The following BRINP3 variants were observed in gnomAD, a reference collection of about 807,000 sequenced individuals.
BRINP3 encodes the protein BMP/retinoic acid-inducible neural-specific protein 3.
In BRINP3, 19 loss-of-function variants were observed where a neutral mutation model predicts 71.0. The ratio of observed to expected loss-of-function variants is 0.27; its 90% CI spans 0.19 to 0.39. The LOEUF is 0.39. Among genes scored for constraint, BRINP3 ranks in the 10% least tolerant of loss-of-function variants. BRINP3 has a pLI of 1.00. For missense variants in BRINP3, 959 were observed against 940.8 expected (o/e 1.02, Z -0.25); for synonymous variants, 380 against 337.7 (o/e 1.13, Z -1.37).
chr1:190,280,907 A>G (rs910548309), intron 3 of BRINP3, among the ~76,000 whole-genome samples: 2 of 151,928 alleles, frequency 1.3e-5, no homozygotes, highest in Non-Finnish European at 2.9e-5. Flanking sequence ...TTATCTCCTA[A>G]AAGGTCATTT....
chr1:190,477,258 G>A (rs1677559607), intron 1 of BRINP3, among the ~76,000 whole-genome samples, 190 bp downstream of exon 1: 1 of 152,042 alleles, frequency 6.6e-6, no homozygotes, highest in African/African-American at 2.4e-5. Flanking sequence ...GGATATTGGG[G>A]TAATACATTA....
chr1:190,366,311 GC>G (rs1232673462), intron 2 of BRINP3, among the ~76,000 whole-genome samples: 1 of 152,108 alleles, frequency 6.6e-6, no homozygotes, highest in Non-Finnish European at 1.5e-5. Flanking sequence ...GAAGTGCTGA[GC>G]AAAGGGGGAA....
chr1:190,219,058 G>A (rs911171673), intron 6 of BRINP3, among the ~76,000 whole-genome samples: 1 of 152,054 alleles, frequency 6.6e-6, no homozygotes, highest in East Asian at 1.9e-4. Flanking sequence ...GCAAATAGGG[G>A]ATTCAGGCAC....
intron 2 of BRINP3, among the ~76,000 whole-genome samples, chr1:190,357,343 A>T (rs1234182058): frequency 2.0e-5 from 3 of 151,996 alleles, no homozygotes; most frequent in Non-Finnish European, 4.4e-5. Context: ...TTTAAAAACA[A>T]TTTCCAGAGG....
intron 4 of BRINP3, among the ~76,000 whole-genome samples, chr1:190,256,775 G>T (rs1427250525): frequency 1.3e-5 from 2 of 152,098 alleles, no homozygotes; most frequent in Non-Finnish European, 2.9e-5. Context: ...TGAAATTTTG[G>T]GTTGAAAACT....
intron 2 of BRINP3, among the ~76,000 whole-genome samples, chr1:190,334,967 T>C (rs1401583644): frequency 6.6e-6 from 1 of 151,802 alleles, no homozygotes; most frequent in Admixed American, 6.6e-5. Context: ...ATATTGGGTG[T>C]GGTAAATGAG....
intron 7 of BRINP3, among the ~76,000 whole-genome samples, chr1:190,105,918 TA>T (rs897912193): frequency 1.3e-5 from 2 of 152,000 alleles, no homozygotes; most frequent in South Asian, 4.2e-4. Flanking sequence ...TTTCTGGAAG[TA>T]AAAAAATTAC....
In BRINP3 at chr1:190,117,643, A is replaced by T. The variant is rs566481847; in HGVS notation, c.1185-18509T>A. On this transcript the variant is annotated intron_variant, in intron 7 of 7. Transcript: ENST00000367462. ...GTGTGCAATTCAGTGTATATCCTCA[A>T]ATTTTAAAAATTAAAAGGATATTAA... Among the ~76,000 whole-genome samples the T allele has an allele frequency of 9.2e-5, 14 of 152,184 alleles. 1 individual carries two copies. In the South Asian group the frequency reaches 2.9e-3, roughly 32 times the overall value.
intron 2 of BRINP3, among the ~76,000 whole-genome samples, chr1:190,291,560 A>G (rs1276063308): frequency 6.6e-6 from 1 of 152,174 alleles, no homozygotes; most frequent in Non-Finnish European, 1.5e-5. Flanking sequence ...AAAATATTCA[A>G]CATCACTAAT....
chr1:190,256,467 G>A (rs547190616), intron 4 of BRINP3, among the ~76,000 whole-genome samples: 39 of 152,034 alleles, frequency 2.6e-4, no homozygotes, highest in Admixed American at 8.5e-4. Context: ...TTTTTAATTG[G>A]GGCATTTAGC....
chr1:190,243,251 A>G (rs1254216383), intron 4 of BRINP3, among the ~76,000 whole-genome samples: 4 of 152,118 alleles, frequency 2.6e-5, no homozygotes, highest in Non-Finnish European at 4.4e-5. Flanking sequence ...TGCTTAAACC[A>G]TGGTTGCCAT....
intron 2 of BRINP3, among the ~76,000 whole-genome samples, chr1:190,330,837 G>T (rs2103078968): frequency 6.6e-6 from 1 of 152,100 alleles, no homozygotes; most frequent in African/African-American, 2.4e-5. Flanking sequence ...CAGCAATGTG[G>T]ATGTAGCTGG....
intron 1 of BRINP3, among the ~76,000 whole-genome samples, chr1:190,469,303 T>C (rs1470318326): frequency 6.6e-6 from 1 of 151,042 alleles, no homozygotes; most frequent in Non-Finnish European, 1.5e-5. Context: ...TGTGTCTTTA[T>C]ATATTAGTGA....
At chr1:190,343,564 A>G (rs1295186137) in intron 2 of BRINP3, among the ~76,000 whole-genome samples, 1 of 151,746 alleles carries the variant, frequency 6.6e-6, no homozygotes, top group Non-Finnish European at 1.5e-5. Flanking sequence ...AATGCCTTGT[A>G]TATAGTACAT....
intron 6 of BRINP3, among the ~76,000 whole-genome samples, chr1:190,180,468 C>A (rs1652928571): frequency 6.6e-6 from 1 of 151,964 alleles, no homozygotes; most frequent in Non-Finnish European, 1.5e-5. Flanking sequence ...CAGAAAAGTT[C>A]ATTCCCAATA....
chr1:190,413,762 G>A (rs956523189), intron 2 of BRINP3, among the ~76,000 whole-genome samples: 2 of 151,890 alleles, frequency 1.3e-5, no homozygotes, highest in Non-Finnish European at 2.9e-5. Flanking sequence ...CAAGATTTTC[G>A]TACTATGTTA....
intron 7 of BRINP3, among the ~76,000 whole-genome samples, chr1:190,099,573 T>G (rs1265336242): frequency 1.3e-5 from 2 of 152,202 alleles, no homozygotes; most frequent in Admixed American, 1.3e-4. Context: ...ACATGGTGAT[T>G]GTTCATTCAT....
intron 6 of BRINP3, among the ~76,000 whole-genome samples, chr1:190,176,864 C>G (rs1652554755): frequency 6.6e-6 from 1 of 152,116 alleles, no homozygotes; most frequent in South Asian, 2.1e-4. Context: ...GAAATGAAAT[C>G]TCTGACTTTG....
At chr1:190,435,101 AT>A (rs1456937749) in intron 2 of BRINP3, among the ~76,000 whole-genome samples, 2 of 152,164 alleles carry the variant, frequency 1.3e-5, no homozygotes, top group Non-Finnish European at 2.9e-5. Context: ...ACAAAAACAA[AT>A]TTCCTGATCA....
Sources: gnomAD v4.1 joint callset for allele counts (sites outside exome capture counted in the v4.1 genomes callset) on GRCh38, gnomAD v4.1.1 for gene constraint, MANE v1.5 for transcripts, NCBI Gene and HGNC (gene_info 2026-07-23, HGNC 2026-07-21) for gene names.